Variants in TPMT observed in about 807,000 individuals in gnomAD.
The protein encoded by TPMT is thiopurine S-methyltransferase, also known as S-adenosyl-L-methionine:thiopurine S-methyltransferase.
A neutral mutation model predicts 34.2 loss-of-function variants in TPMT; 18 were observed. That is an observed-to-expected ratio of 0.53 (90% CI 0.36 to 0.78). The LOEUF (loss-of-function observed/expected upper bound fraction) is 0.78. TPMT is among the 30% of genes least tolerant of loss of function. The probability of loss-of-function intolerance (pLI) is 0.00; values close to 1 mark genes in which losing one functional copy is unlikely to be tolerated. For missense variants in TPMT, 265 were observed against 288.1 expected, an observed-to-expected ratio of 0.92 and a Z score of 0.58; for synonymous variants, 69 against 92.4, an observed-to-expected ratio of 0.75 and a Z score of 1.45.
rs1407621337 is a variant in TPMT at position 18,154,085 on chromosome 6, T to TA, written c.-45+947_-45+948insT. On this transcript the variant is annotated intron_variant, in intron 1 of 8. Transcript: ENST00000309983. This position sits in a 1 kb window ranked among gnomAD's most constrained non-coding sequence, Gnocchi z 4.2. ...AGGGTGCACCACCATGCCTGGCTAA[T>TA]TTTTAAATATTTTGTAGAGACAGGG... is the stretch of plus-strand genomic sequence containing the variant. Among the ~76,000 whole-genome samples, 1 of 152,216 alleles carries TA rather than the reference T, an allele frequency of 6.6e-6. No homozygotes were observed. Among genetic ancestry groups the TA allele is most frequent in the Non-Finnish European group, 1.5e-5 (1 of 68,054 alleles).
rs376768623 is a variant in TPMT at position 18,149,157 on chromosome 6, A to G, written c.-30T>C. ...TCAGAGACACCTTTGTCTCACAAGCATATGTCTTCCGTGCCTACGTGGAAA... is the reference window on the plus strand; with the variant it reads ...TCAGAGACACCTTTGTCTCACAAGCGTATGTCTTCCGTGCCTACGTGGAAA... On this transcript the variant is annotated 5_prime_UTR_variant, in exon 2 of 9. The change abolishes an upstream ATG in the 5' untranslated region. Coordinates refer to ENST00000309983, the MANE Select transcript of TPMT (RefSeq NM_000367.5). The surrounding 1 kb of genome is among the most constrained non-coding windows in gnomAD (Gnocchi z 5.0). 1.9e-6 allele frequency: 3 copies of G among 1,613,772 alleles called. No individual in the cohort carries two copies. The highest frequency in any genetic ancestry group is 2.5e-6 in the Non-Finnish European group (3 of 1,179,992).
intron 6 of TPMT, among the ~76,000 whole-genome samples, chr6:18,137,684 T>C (rs1212052291): frequency 1.6e-5 from 1 of 62,038 alleles, no homozygotes; most frequent in Non-Finnish European, 3.7e-5. Context: ...TTTATACAGT[T>C]CTTTAGAGAT....
rs1784221960 is a variant in TPMT, at chr6:18,145,017, T to G, written c.234-1289A>C. On this transcript the variant is annotated intron_variant, in intron 3 of 8. Transcript: ENST00000309983. This position sits in a 1 kb window ranked among gnomAD's most constrained non-coding sequence, Gnocchi z 5.6. ...ATTACAGTCCTGGTAAGTTTTATAA[T>G]GAACAGAATTCAGTCTCAGGATCTT... Among the ~76,000 whole-genome samples, 1 of 152,178 alleles carries G rather than the reference T, an allele frequency of 6.6e-6. No homozygotes were observed. Among genetic ancestry groups the G allele is most frequent in the South Asian group, 2.1e-4 (1 of 4,834 alleles).
At position 18,130,912 on chromosome 6, in the gene TPMT, G is replaced by A; in HGVS notation, c.626-132C>T. 4.5e-6 allele frequency: 3 copies of A among 667,490 alleles called. No homozygotes were observed. In the South Asian group the frequency reaches 4.6e-5, roughly 10 times the overall value. The allele number at this position is 667,490 out of a possible 1,614,324, so 41.3% of individuals were successfully genotyped here. ...CCAACACTTTGGGAGGCCGAGGCAG[G>A]TGGATCACTTGAGGTCAGGAGTTCA... On this transcript the variant is annotated intron_variant, in intron 8 of 8. Transcript: ENST00000309983. This position sits in a 1 kb window ranked among gnomAD's most constrained non-coding sequence, Gnocchi z 4.2.
At position 18,128,329 on chromosome 6, in the gene TPMT, A is replaced by G. The variant is rs1166130684; in HGVS notation, c.*2339T>C. Reference sequence around the variant, plus strand: ...AGAAGCATTTTTGGAAAATCCTGAAAACAATTTAATTGCTCTAAAATAATT... The same window carrying G: ...AGAAGCATTTTTGGAAAATCCTGAAGACAATTTAATTGCTCTAAAATAATT... On this transcript the variant is annotated 3_prime_UTR_variant, in exon 9 of 9. Coordinates refer to ENST00000309983, the MANE Select transcript of TPMT (RefSeq NM_000367.5). The surrounding 1 kb of genome is among the most constrained non-coding windows in gnomAD (Gnocchi z 4.6). The G allele has an allele frequency of 6.6e-6, 1 of 152,220 alleles. No individual in the cohort carries two copies. Among genetic ancestry groups the G allele is most frequent in the African/African-American group, 2.4e-5 (1 of 41,462 alleles). 9.4% of individuals were successfully genotyped at this position (152,220 alleles called of 1,614,324 possible). A position where few individuals can be genotyped will look rare whatever the true frequency, so the allele number is the denominator to read the frequency against.
intron 2 of TPMT, 27 bp from the exon 3 acceptor site, chr6:18,147,942 A>G (rs1311244369): frequency 2.5e-6 from 4 of 1,574,462 alleles, no homozygotes; most frequent in Non-Finnish European, 3.5e-6. Flanking sequence ...AAAAGGTTTT[A>G]GGACAATTGT....
chr6:18,141,487 G>A (rs1784140785), intron 4 of TPMT, among the ~76,000 whole-genome samples: 1 of 151,856 alleles, frequency 6.6e-6, no homozygotes, highest in Non-Finnish European at 1.5e-5. Context: ...TTATAGGTAT[G>A]CACCACCACA....
intron 6 of TPMT, among the ~76,000 whole-genome samples, chr6:18,137,136 TG>T (rs1784056940): frequency 6.6e-6 from 1 of 150,640 alleles, no homozygotes; most frequent in South Asian, 2.1e-4. Context: ...GTTTTTTTTT[TG>T]GTTGTTTGTT....
intron 6 of TPMT, among the ~76,000 whole-genome samples, chr6:18,134,686 G>A (rs1268730385): frequency 6.6e-6 from 1 of 152,200 alleles, no homozygotes; most frequent in African/African-American, 2.4e-5. Context: ...TGAATTAAGA[G>A]ACCAAAGAGG....
At chr6:18,142,453 C>T (rs549677722) in intron 4 of TPMT, among the ~76,000 whole-genome samples, 1 of 152,236 alleles carries the variant, frequency 6.6e-6, no homozygotes, top group Non-Finnish European at 1.5e-5. Flanking sequence ...ATGCCCCGTT[C>T]CTAGTTGCCC....
At chr6:18,141,778 G>A (rs912270576) in intron 4 of TPMT, among the ~76,000 whole-genome samples, 3 of 152,310 alleles carry the variant, frequency 2.0e-5, no homozygotes, top group East Asian at 3.9e-4. Context: ...AAGGCAGATA[G>A]GGAGGATACG....
rs1784085928 is a variant in TPMT, at chr6:18,138,549, T to C, written c.494+414A>G. ...TCCCACAGTGCTGGGATTACATGTA[T>C]GATCCACCATACCCAGCCCACATAA... On this transcript the variant is annotated intron_variant, in intron 6 of 8. Coordinates refer to ENST00000309983, the MANE Select transcript of TPMT (RefSeq NM_000367.5). The surrounding 1 kb of genome is among the most constrained non-coding windows in gnomAD (Gnocchi z 4.1). 6.6e-6 allele frequency among the ~76,000 whole-genome samples: 1 copy of C among 152,244 alleles called. No individual in the cohort carries two copies. Among genetic ancestry groups the C allele is most frequent in the South Asian group, 2.1e-4 (1 of 4,836 alleles).
intron 6 of TPMT, among the ~76,000 whole-genome samples, chr6:18,137,426 C>T (rs1031827642): frequency 7.9e-5 from 12 of 152,168 alleles, no homozygotes; most frequent in African/African-American, 1.7e-4. Context: ...TGAGCCACTG[C>T]GCCCAGCCTC....
In TPMT at chr6:18,131,778, CA is replaced by C. The variant is rs1171575083; in HGVS notation, c.625+354del. 6.6e-6 allele frequency among the ~76,000 whole-genome samples: 1 copy of C among 151,588 alleles called. No homozygotes were observed. The highest frequency in any genetic ancestry group is 2.4e-5 in the African/African-American group (1 of 41,248). The stretch of plus-strand genomic sequence containing the variant: ...TAGATACTAATATACTAATAGTTCA[CA>C]ATAGGTTTTTTTTTTTTAGATGGAG... On this transcript the variant is annotated intron_variant, in intron 8 of 8. Coordinates refer to ENST00000309983, the MANE Select transcript of TPMT (RefSeq NM_000367.5). The surrounding 1 kb of genome is among the most constrained non-coding windows in gnomAD (Gnocchi z 4.3).
chr6:18,135,780 A>G lies in TPMT; in HGVS notation c.495-1891T>C, dbSNP rs1460224075. On this transcript the variant is annotated intron_variant, in intron 6 of 8. Transcript: ENST00000309983. This position sits in a 1 kb window ranked among gnomAD's most constrained non-coding sequence, Gnocchi z 5.0. ...GCTACTCTGGAGGCTGAGGCAGGAG[A>G]ATCACTTGAACCCAGAAGGCAGGGG... Among the ~76,000 whole-genome samples, 1 of 152,046 alleles carries G rather than the reference A, an allele frequency of 6.6e-6. No individual in the cohort carries two copies. Among genetic ancestry groups the G allele is most frequent in the Non-Finnish European group, 1.5e-5 (1 of 67,998 alleles).
chr6:18,139,056 A>G lies in TPMT; in HGVS notation c.420-19T>C. ...ATTTGTCCTACCAGAAAGAGAAAAA[A>G]CATTTTATGGGAGAAAAATCAAATC... On this transcript the variant is annotated intron_variant, in intron 5 of 8. Transcript: ENST00000309983. This position sits in a 1 kb window ranked among gnomAD's most constrained non-coding sequence, Gnocchi z 4.2. The G allele has an allele frequency of 6.2e-7, 1 of 1,606,850 alleles. No homozygotes were observed. The highest frequency in any genetic ancestry group is 8.5e-7 in the Non-Finnish European group (1 of 1,173,330).
chr6:18,133,768 C>G (rs760221673), intron 7 of TPMT, 36 bp downstream of exon 7: 3 of 1,425,148 alleles, frequency 2.1e-6, no homozygotes, highest in Non-Finnish European at 2.9e-6. Flanking sequence ...AACTAGGCAA[C>G]TGGTAAAAGA....
rs913200447 is a variant in TPMT at position 18,150,589 on chromosome 6, CT to C, written c.-44-1419del. On this transcript the variant is annotated intron_variant, in intron 1 of 8. Transcript: ENST00000309983. This position sits in a 1 kb window ranked among gnomAD's most constrained non-coding sequence, Gnocchi z 5.3. ...CTCCAGCTTTATTTCATGTCTTCCT[CT>C]TTTTTTTGTTGTTATTTTTTAGTGA... Among the ~76,000 whole-genome samples the C allele has an allele frequency of 6.6e-6, 1 of 151,984 alleles. No homozygotes were observed. Among genetic ancestry groups the C allele is most frequent in the African/African-American group, 2.4e-5 (1 of 41,372 alleles).
At position 18,139,944 on chromosome 6, in the gene TPMT, T is replaced by C. The variant is rs2842935; in HGVS notation, c.367-227A>G. 0.61 allele frequency among the ~76,000 whole-genome samples: 93,229 copies of C among 151,998 alleles called. 30,371 individuals are homozygous for C. The highest frequency in any genetic ancestry group is 0.78 in the East Asian group (4,039 of 5,158). On this transcript the variant is annotated intron_variant, in intron 4 of 8. Coordinates refer to ENST00000309983, the MANE Select transcript of TPMT (RefSeq NM_000367.5). The surrounding 1 kb of genome is among the most constrained non-coding windows in gnomAD (Gnocchi z 4.2). ...TCAGAGGAATATCACAGAGGACAAC[T>C]TTGAAGATCAGTTGGCTGTTACTCA...
Sources: allele counts gnomAD v4.1 joint callset (sites outside exome capture counted in the v4.1 genomes callset), GRCh38; gene constraint gnomAD v4.1.1; non-coding constraint Gnocchi (gnomAD v3.1); transcripts MANE v1.5; gene names NCBI Gene and HGNC (gene_info 2026-07-23, HGNC 2026-07-21).